RYR2: variants seen among roughly 807,000 people sequenced by gnomAD.
The protein encoded by RYR2 is ryanodine receptor 2.
Under a neutral mutation model 601.1 loss-of-function variants are expected in RYR2, and 227 were observed. The ratio of observed to expected loss-of-function variants is 0.38; its 90% confidence interval spans 0.34 to 0.42. The LOEUF (loss-of-function observed/expected upper bound fraction) is 0.42, where lower values mean the gene tolerates loss of function less well. Among genes scored for constraint, RYR2 ranks in the 10% least tolerant of loss-of-function variants. The pLI is 1.00. For missense variants in RYR2, 4,646 were observed against 6,156.5 expected, an observed-to-expected ratio of 0.75 and a Z score of 8.21; for synonymous variants, 2,223 against 2,175.1, an observed-to-expected ratio of 1.02 and a Z score of -0.61.
chr1:237,117,329 G>A (rs2485564), intron 1 of RYR2, among the ~76,000 whole-genome samples: 89,882 of 151,816 alleles, frequency 0.59, 27,002 homozygotes, highest in Middle Eastern at 0.69. Context: ...TTACGCTAAG[G>A]GATTCTGACC....
intron 62 of RYR2, among the ~76,000 whole-genome samples, chr1:237,681,770 A>T (rs940532182): frequency 6.6e-6 from 1 of 152,094 alleles, no homozygotes; most frequent in East Asian, 1.9e-4. Context: ...CTCCTCCCTC[A>T]TCATTTCATA....
At chr1:237,337,526 A>T (rs768607028) in intron 3 of RYR2, among the ~76,000 whole-genome samples, 2 of 152,234 alleles carry the variant, frequency 1.3e-5, no homozygotes, top group Non-Finnish European at 2.9e-5. Context: ...TTTCCTGGTA[A>T]CATAAGTGAC....
At chr1:237,618,531 G>A (rs1331232201) in intron 38 of RYR2, among the ~76,000 whole-genome samples, 1 of 152,156 alleles carries the variant, frequency 6.6e-6, no homozygotes, top group Non-Finnish European at 1.5e-5. Context: ...ATCTATCCCA[G>A]ATTTGAAGCT....
chr1:237,560,688 A>C lies in RYR2; in HGVS notation c.3215-5879A>C, dbSNP rs551868925. The stretch of plus-strand genomic sequence containing the variant: ...CTTTAGTTAATTTCCAGAGCTATGA[A>C]AAATTTCATTTGCATAGTTTTTTGC... On this transcript the variant is annotated intron_variant, in intron 27 of 104. Transcript: ENST00000366574. Among the ~76,000 whole-genome samples, 4 of 152,336 alleles carry C rather than the reference A, an allele frequency of 2.6e-5. No homozygotes were observed. The South Asian group carries it at 8.3e-4, about 32-fold the overall frequency.
At chr1:237,300,184 A>G (rs987283950) in intron 2 of RYR2, among the ~76,000 whole-genome samples, 2 of 152,184 alleles carry the variant, frequency 1.3e-5, no homozygotes, top group Non-Finnish European at 2.9e-5. Flanking sequence ...CTGACTTAGT[A>G]TTATTGAGAG....
At chr1:237,145,603 C>T (rs1417397816) in intron 1 of RYR2, among the ~76,000 whole-genome samples, 2 of 152,206 alleles carry the variant, frequency 1.3e-5, no homozygotes, top group Non-Finnish European at 2.9e-5. Flanking sequence ...TGTCTGTCCA[C>T]TTGCCTCTGT....
chr1:237,572,531 T>C (rs1672808614), intron 29 of RYR2, among the ~76,000 whole-genome samples: 1 of 152,204 alleles, frequency 6.6e-6, no homozygotes, highest in Admixed American at 6.5e-5. Context: ...ATTTTGGCTT[T>C]TGACTTTGTA....
rs1440281554 is a variant in RYR2, at chr1:237,352,963, A to G, written c.274-3002A>G. On this transcript the variant is annotated intron_variant, in intron 3 of 104. Transcript: ENST00000366574. ...GCAACTTTCATGGGAAAGGCAAAAT[A>G]ATGAACTTTCTAGAAAATTTAGTAG... The G allele has an allele frequency of 1.7e-5, 7 of 422,698 alleles. No individual in the cohort carries two copies. The Admixed American group carries it at 1.9e-4, about 11-fold the overall frequency. The allele number at this position is 422,698 out of a possible 1,614,324, so 26.2% of individuals were successfully genotyped here. A position where few individuals can be genotyped will look rare whatever the true frequency, so the allele number is the denominator to read the frequency against.
At chr1:237,542,802 T>C (rs1669442330) in intron 25 of RYR2, among the ~76,000 whole-genome samples, 1 of 152,196 alleles carries the variant, frequency 6.6e-6, no homozygotes, top group African/African-American at 2.4e-5. Context: ...ATATCTGTAC[T>C]GTTCATGGGT....
Position 237,781,681 on chromosome 1 carries a change from T to TATC in RYR2, c.11962+36_11962+38dup, listed in dbSNP as rs749998317. 9 of 1,133,956 alleles carry TATC rather than the reference T, an allele frequency of 7.9e-6. 1 individual carries two copies. Among genetic ancestry groups the TATC allele is most frequent in the South Asian group, 5.5e-5 (4 of 72,806 alleles). 70.2% of individuals were successfully genotyped at this position (1,133,956 alleles called of 1,614,324 possible). A position where few individuals can be genotyped will look rare whatever the true frequency, so the allele number is the denominator to read the frequency against. Reference sequence around the variant, plus strand: ...ATTTATACTTTTAAATTCTCTTTATTATCTTATTTAAAGGATCAGCATGGG... The same window carrying TATC: ...ATTTATACTTTTAAATTCTCTTTATTATCATCTTATTTAAAGGATCAGCATGGG... On this transcript the variant is annotated intron_variant, in intron 89 of 104. Transcript: ENST00000366574.
chr1:237,487,644 G>T (rs1384670437), intron 17 of RYR2, among the ~76,000 whole-genome samples: 1 of 151,344 alleles, frequency 6.6e-6, no homozygotes, highest in Non-Finnish European at 1.5e-5. Flanking sequence ...AAGGTGGGAG[G>T]ATTGCTTAAG....
chr1:237,071,648 T>A lies in RYR2; in HGVS notation c.48+29079T>A, dbSNP rs148305510. ...CTGTGTTGGGGATTCCACTGGGAAC[T>A]GGCCCCCTGGCCCCCAGGCTTCAGG... On this transcript the variant is annotated intron_variant, in intron 1 of 104. Coordinates refer to ENST00000366574, the MANE Select transcript of RYR2 (RefSeq NM_001035.3). Among the ~76,000 whole-genome samples the A allele has an allele frequency of 1.5e-3, 226 of 152,172 alleles. 1 individual carries two copies. The highest frequency in any genetic ancestry group is 4.9e-3 in the African/African-American group (205 of 41,528).
At chr1:237,071,562 C>T (rs187314774) in intron 1 of RYR2, among the ~76,000 whole-genome samples, 59 of 152,214 alleles carry the variant, frequency 3.9e-4, no homozygotes, top group African/African-American at 1.2e-3. Flanking sequence ...GGAGGAAGTG[C>T]GTGCTGATGG....
intron 34 of RYR2, among the ~76,000 whole-genome samples, chr1:237,599,471 T>A (rs779931486): frequency 5.4e-5 from 8 of 148,604 alleles, no homozygotes; most frequent in Non-Finnish European, 1.1e-4. Context: ...TTTGCACTAG[T>A]AGTGAATGCT....
At chr1:237,161,880 G>C (rs753215957) in intron 1 of RYR2, among the ~76,000 whole-genome samples, 1 of 152,104 alleles carries the variant, frequency 6.6e-6, no homozygotes. Flanking sequence ...AAGTCTATTG[G>C]TTCCAAAACC....
At chr1:237,317,190 CA>C (rs1695199210) in intron 2 of RYR2, among the ~76,000 whole-genome samples, 2 of 152,048 alleles carry the variant, frequency 1.3e-5, no homozygotes, top group Non-Finnish European at 2.9e-5. Flanking sequence ...AGGCAAAAAG[CA>C]AAGAATGTTT....
intron 101 of RYR2, among the ~76,000 whole-genome samples, chr1:237,820,863 A>T (rs1662411338): frequency 2.0e-5 from 3 of 152,174 alleles, no homozygotes; most frequent in Admixed American, 2.0e-4. Context: ...TTGCTGAGGC[A>T]TGAGTAGGCA....
intron 17 of RYR2, among the ~76,000 whole-genome samples, chr1:237,471,836 TAATG>T (rs1197256784): frequency 6.6e-6 from 1 of 152,182 alleles, no homozygotes; most frequent in Non-Finnish European, 1.5e-5. Flanking sequence ...AGAGATAACA[TAATG>T]AAAGTCAAGG....
intron 16 of RYR2, among the ~76,000 whole-genome samples, chr1:237,466,466 G>GT (rs1306425154): frequency 1.3e-5 from 2 of 152,062 alleles, no homozygotes; most frequent in Non-Finnish European, 2.9e-5. Flanking sequence ...TACGCCTGGT[G>GT]TAATGCCCTT....
Sources: gnomAD v4.1 joint callset for allele counts (sites outside exome capture counted in the v4.1 genomes callset) on GRCh38, gnomAD v4.1.1 for gene constraint, MANE v1.5 for transcripts, NCBI Gene and HGNC (gene_info 2026-07-23, HGNC 2026-07-21) for gene names.